The following ACOT8 variants were observed in gnomAD, a reference collection of about 807,000 sequenced individuals.
ACOT8 encodes acyl-CoA thioesterase 8, also known as acyl-coenzyme A thioesterase 8.
ACOT8 carries 31 observed loss-of-function variants against 38.4 expected under a neutral mutation model. The observed-to-expected ratio is 0.81, with a 90% CI of 0.61 to 1.09. ACOT8 has a LOEUF of 1.09. ACOT8 is among the 50% of genes least tolerant of loss of function. The pLI, the probability that ACOT8 is intolerant of heterozygous loss-of-function variation, is 0.00. For missense variants in ACOT8, 373 were observed against 421.8 expected, an observed-to-expected ratio of 0.88 and a Z score of 1.01; for synonymous variants, 158 against 170.3, an observed-to-expected ratio of 0.93 and a Z score of 0.56.
At position 45,855,266 on chromosome 20, in the gene ACOT8, T is replaced by C; in HGVS notation, c.155A>G (p.Lys52Arg). ...FRGRHYWVPA[K>R]RLFGGQIVGQ... ...CACGATCTGACCACCAAACAGCCTCTTGGCCGGTACCCAGTAATGCCTTCC... is the reference window on the plus strand; with the variant it reads ...CACGATCTGACCACCAAACAGCCTCCTGGCCGGTACCCAGTAATGCCTTCC... The change falls in exon 2 of 6, where the codon AAG (lysine) becomes AGG (arginine). Residue 52 changes from lysine to arginine, a missense_variant. Physicochemically the swap from Lys to Arg is conservative, Grantham distance 26 (BLOSUM62 2). Coordinates refer to ENST00000217455, the MANE Select transcript of ACOT8 (RefSeq NM_005469.4). 1 of 1,614,122 alleles carries C rather than the reference T, an allele frequency of 6.2e-7. No homozygotes were observed. Among genetic ancestry groups the C allele is most frequent in the South Asian group, 1.1e-5 (1 of 91,088 alleles).
chr20:45,845,967 G>A (rs992815761), intron 3 of ACOT8, among the ~76,000 whole-genome samples: 2 of 152,104 alleles, frequency 1.3e-5, no homozygotes, highest in South Asian at 2.1e-4. Flanking sequence ...GAGTAGCTGG[G>A]ATTACAGGCA....
In ACOT8 at chr20:45,857,379, C is replaced by T; in HGVS notation, c.-64G>A. 3 of 1,521,648 alleles carry T rather than the reference C, an allele frequency of 2.0e-6. No individual in the cohort carries two copies. Among genetic ancestry groups the T allele is most frequent in the South Asian group, 2.4e-5 (2 of 83,126 alleles). The allele number at this position is 1,521,648 out of a possible 1,614,324, so 94.3% of individuals were successfully genotyped here. On this transcript the variant is annotated 5_prime_UTR_variant, in exon 1 of 6. Transcript: ENST00000217455. ...GAAGACGCGGAGACATACACAGAACCTGACTCTTCCGGCAGATTGCCCTAG... is the reference window on the plus strand; with the variant it reads ...GAAGACGCGGAGACATACACAGAACTTGACTCTTCCGGCAGATTGCCCTAG...
intron 3 of ACOT8, 148 bp from the exon 4 acceptor site, chr20:45,844,568 C>T (rs981608563): frequency 1.9e-5 from 17 of 894,698 alleles, no homozygotes; most frequent in Non-Finnish European, 2.8e-5. Context: ...GATAGTGCAG[C>T]GTTTGAATCC....
intron 3 of ACOT8, among the ~76,000 whole-genome samples, chr20:45,845,129 C>T (rs765606830): frequency 3.7e-4 from 56 of 152,098 alleles, no homozygotes; most frequent in Non-Finnish European, 7.3e-4. Flanking sequence ...AGCTCTGTCA[C>T]CCAGGCTTGA....
Position 45,857,283 on chromosome 20 carries a change from C to A in ACOT8, c.33G>T (p.Gln11His), listed in dbSNP as rs769256160. 6.8e-6 allele frequency: 11 copies of A among 1,611,296 alleles called. No individual in the cohort carries two copies. Among genetic ancestry groups the A allele is most frequent in the African/African-American group, 2.7e-5 (2 of 74,902 alleles). ...GGGGATCGCCGCGGTCGCCACAGCC[C>A]TGCCCATCTTCTGGGGCCTGCGGGG... MSSPQAPEDGQGCGDRGDPPG... is the reference protein window; with the variant it reads MSSPQAPEDGHGCGDRGDPPG... Residue 11 changes from glutamine (Q) to histidine (H), a missense_variant, in exon 1 of 6, where the codon CAG becomes CAT. By Grantham distance (24) the Gln-to-His change is conservative (BLOSUM62 0). Transcript: ENST00000217455.
intron 5 of ACOT8, chr20:45,842,637 C>T (rs1057275): frequency 0.027 from 27,301 of 992,808 alleles, 514 homozygotes; most frequent in Admixed American, 0.12. Context: ...TGCTGGTTTC[C>T]CTTACACATA....
At chr20:45,852,049 G>A (rs1438091803) in intron 2 of ACOT8, among the ~76,000 whole-genome samples, 1 of 152,088 alleles carries the variant, frequency 6.6e-6, no homozygotes, top group Non-Finnish European at 1.5e-5. Flanking sequence ...GAGTGCAGTG[G>A]CGCAGTTTTA....
chr20:45,855,333 G>A, intron 1 of ACOT8, 41 bp from the exon 2 acceptor site: 2 of 1,610,642 alleles, frequency 1.2e-6, no homozygotes, highest in South Asian at 1.1e-5. Context: ...TTGGGAACTG[G>A]GCCAAATTCT....
At position 45,855,236 on chromosome 20, in the gene ACOT8, T is replaced by C. The variant is rs760203981; in HGVS notation, c.185A>G (p.Gln62Arg). 3.1e-6 allele frequency: 5 copies of C among 1,614,150 alleles called. No homozygotes were observed. Among genetic ancestry groups the C allele is most frequent in the Non-Finnish European group, 3.4e-6 (4 of 1,180,026 alleles). ...AGACTTGGCTGCAGCCACCAGGGCC[T>C]GGCCCACGATCTGACCACCAAACAG... is the stretch of plus-strand genomic sequence containing the variant. ...KRLFGGQIVG[Q>R]ALVAAAKSVS... is the part of the protein sequence containing the mutation. The change falls in exon 2 of 6, where the codon CAG (glutamine) becomes CGG (arginine). Residue 62 changes from glutamine to arginine, a missense_variant. By Grantham distance (43) the Gln-to-Arg change is conservative. Transcript: ENST00000217455.
At chr20:45,845,775 G>C (rs1048539376) in intron 3 of ACOT8, among the ~76,000 whole-genome samples, 4 of 151,902 alleles carry the variant, frequency 2.6e-5, no homozygotes, top group African/African-American at 9.7e-5. Context: ...TGGAGCACCT[G>C]AAATGTGGCT....
intron 2 of ACOT8, among the ~76,000 whole-genome samples, chr20:45,852,442 G>A (rs1985128235): frequency 6.6e-6 from 1 of 151,902 alleles, no homozygotes; most frequent in Admixed American, 6.6e-5. Context: ...GCCTCCCAAA[G>A]TCCTGGGATT....
intron 5 of ACOT8, chr20:45,842,995 G>A (rs1984354601): frequency 1.9e-6 from 2 of 1,058,202 alleles, no homozygotes; most frequent in South Asian, 3.0e-5. Context: ...GTCCAAGCAG[G>A]CCCTTAGGGA....
intron 5 of ACOT8, 105 bp from the exon 6 acceptor site, chr20:45,842,061 A>G: frequency 5.8e-6 from 9 of 1,543,966 alleles, no homozygotes; most frequent in Middle Eastern, 1.8e-4. Context: ...GGCTGGTCTC[A>G]AGCGCCTGGG....
At chr20:45,853,915 T>A in intron 2 of ACOT8, 1 of 1,303,138 alleles carries the variant, frequency 7.7e-7, no homozygotes, top group Non-Finnish European at 1.0e-6. Context: ...TTAATACAAA[T>A]CACATACTGT....
At chr20:45,842,034 G>A in intron 5 of ACOT8, 78 bp from the exon 6 acceptor site, 2 of 1,563,266 alleles carry the variant, frequency 1.3e-6, no homozygotes, top group Non-Finnish European at 1.7e-6. Flanking sequence ...CTGAAACAGA[G>A]TCTCACTAAG....
At chr20:45,854,500 C>T (rs139914532) in intron 2 of ACOT8, among the ~76,000 whole-genome samples, 320 of 152,312 alleles carry the variant, frequency 2.1e-3, no homozygotes, top group African/African-American at 7.5e-3. Flanking sequence ...TGAGCCACCG[C>T]GCCCGGCCTC....
At chr20:45,847,055 C>G (rs1275499136) in intron 3 of ACOT8, among the ~76,000 whole-genome samples, 1 of 151,924 alleles carries the variant, frequency 6.6e-6, no homozygotes, top group African/African-American at 2.4e-5. Flanking sequence ...TAAAAAAATA[C>G]AAAAATTAGC....
At position 45,855,259 on chromosome 20, in the gene ACOT8, C is replaced by T. The variant is rs368358935; in HGVS notation, c.162G>A (p.Leu54=). 3 of 1,614,060 alleles carry T rather than the reference C, an allele frequency of 1.9e-6. No individual in the cohort carries two copies. Among genetic ancestry groups the T allele is most frequent in the Non-Finnish European group, 2.5e-6 (3 of 1,180,052 alleles). ...GRHYWVPAKR[L]FGGQIVGQAL... ...CCTGGCCCACGATCTGACCACCAAA[C>T]AGCCTCTTGGCCGGTACCCAGTAAT... Residue 54 remains leucine (L), a synonymous_variant, in exon 2 of 6, where the codon CTG becomes CTA. Transcript: ENST00000217455.
At chr20:45,850,836 T>C (rs1200187664) in intron 2 of ACOT8, among the ~76,000 whole-genome samples, 1 of 152,168 alleles carries the variant, frequency 6.6e-6, no homozygotes, top group African/African-American at 2.4e-5. Flanking sequence ...TGCTCCAGCC[T>C]AGGTGACAGA....
Sources: gnomAD v4.1 joint callset for allele counts (sites outside exome capture counted in the v4.1 genomes callset) on GRCh38, gnomAD v4.1.1 for gene constraint, MANE v1.5 for transcripts, NCBI Gene and HGNC (gene_info 2026-07-23, HGNC 2026-07-21) for gene names.